The following LEMD1 variants were observed in gnomAD, a reference collection of about 807,000 sequenced individuals.
The protein encoded by LEMD1 is LEM domain-containing protein 1.
A neutral mutation model predicts 17.4 loss-of-function variants in LEMD1; 18 were observed. That is an observed-to-expected ratio of 1.04 (90% CI 0.72 to 1.54). The LOEUF is 1.54. LEMD1 is among the 40% of genes most tolerant of loss of function. LEMD1 has a pLI of 0.00. For missense variants in LEMD1, 195 were observed against 210.4 expected (o/e 0.93, Z 0.45); for synonymous variants, 88 against 77.8 (o/e 1.13, Z -0.69).
At chr1:205,437,788 C>T (rs1346764128) in intron 1 of LEMD1, 1 of 152,190 alleles carries the variant, frequency 6.6e-6, no homozygotes, top group Non-Finnish European at 1.5e-5. Context: ...AGAAATAAGA[C>T]ATGACTAGTC....
chr1:205,383,233 G>A (rs1030977536), intron 5 of LEMD1, among the ~76,000 whole-genome samples: 1 of 152,084 alleles, frequency 6.6e-6, no homozygotes, highest in Non-Finnish European at 1.5e-5. Context: ...AACTGGGACT[G>A]TAGGCACATA....
In LEMD1 at chr1:205,431,245, G is replaced by A. The variant is rs1013615216; in HGVS notation, c.-38-10671C>T. ...CAGTTTTCAGTTCAATTTGACCTGT[G>A]CATATTGACTGAATGTCTACTTCGT... On this transcript the variant is annotated intron_variant, in intron 1 of 3. Coordinates refer to the LEMD1 transcript ENST00000367154. 8.5e-5 allele frequency among the ~76,000 whole-genome samples: 13 copies of A among 152,212 alleles called. No individual in the cohort carries two copies. In the East Asian group the frequency reaches 2.5e-3, roughly 29 times the overall value.
rs184086996 is a variant in LEMD1 at position 205,434,299 on chromosome 1, G to A, written c.-38-13725C>T. The stretch of plus-strand genomic sequence containing the variant: ...GGATCCTCCCACCTCAGCCTCCCAA[G>A]TAGCTGGGACTACAGGTGAATGCTA... On this transcript the variant is annotated intron_variant, in intron 1 of 3. Transcript: ENST00000367154. 5.7e-4 allele frequency among the ~76,000 whole-genome samples: 85 copies of A among 149,238 alleles called. 1 individual carries two copies. Among genetic ancestry groups the A allele is most frequent in the African/African-American group, 2.1e-3 (85 of 40,654 alleles).
intron 4 of LEMD1, among the ~76,000 whole-genome samples, chr1:205,399,344 G>T (rs1332953725): frequency 6.6e-6 from 1 of 152,160 alleles, no homozygotes; most frequent in Non-Finnish European, 1.5e-5. Context: ...AAAGAACATT[G>T]GGTTGTTAGA....
chr1:205,435,555 T>C (rs902052174), intron 1 of LEMD1: 2 of 152,210 alleles, frequency 1.3e-5, no homozygotes, highest in Admixed American at 1.3e-4. Flanking sequence ...GAAAGGGAAG[T>C]ACTGGTTTCA....
chr1:205,420,910 A>G (rs979160041), intron 1 of LEMD1, among the ~76,000 whole-genome samples: 4 of 151,976 alleles, frequency 2.6e-5, no homozygotes, highest in Admixed American at 2.6e-4. Context: ...TCAAGCTCTG[A>G]GAAGATAAGA....
intron 1 of LEMD1, chr1:205,437,958 T>C (rs1287693880): frequency 2.0e-5 from 3 of 152,144 alleles, no homozygotes; most frequent in African/African-American, 7.2e-5. Flanking sequence ...TCCCTATATA[T>C]TTCTATGAAC....
At chr1:205,407,315 G>C (rs1574973518) in intron 4 of LEMD1, among the ~76,000 whole-genome samples, 1 of 106,546 alleles carries the variant, frequency 9.4e-6, no homozygotes, top group South Asian at 3.0e-4. Context: ...GGGCAACACA[G>C]AAAGACCCCA....
intron 4 of LEMD1, among the ~76,000 whole-genome samples, chr1:205,393,733 T>G (rs1387024146): frequency 6.6e-6 from 1 of 151,418 alleles, no homozygotes; most frequent in Non-Finnish European, 1.5e-5. Flanking sequence ...ACTGCAAACC[T>G]CATACATTGT....
intron 4 of LEMD1, among the ~76,000 whole-genome samples, chr1:205,413,203 T>A (rs1342721586): frequency 6.6e-6 from 1 of 152,224 alleles, no homozygotes; most frequent in Non-Finnish European, 1.5e-5. Flanking sequence ...GTAGATTTGG[T>A]GAGGTGAGCT....
chr1:205,418,611 G>A (rs1648928591), intron 3 of LEMD1, among the ~76,000 whole-genome samples: 1 of 152,172 alleles, frequency 6.6e-6, no homozygotes, highest in Non-Finnish European at 1.5e-5. Flanking sequence ...CGCCTCCCTG[G>A]TTCAGGCGAT....
chr1:205,446,487 A>C (rs884554), intron 1 of LEMD1, among the ~76,000 whole-genome samples: 200 of 152,338 alleles, frequency 1.3e-3, no homozygotes, highest in Admixed American at 4.7e-3. Context: ...TAATCTCTGG[A>C]ATGGCTCATC....
At chr1:205,422,724 G>C (rs772650907), upstream of LEMD1, among the ~76,000 whole-genome samples, 8 of 152,172 alleles carry the variant, frequency 5.3e-5, no homozygotes, top group Non-Finnish European at 1.0e-4. Flanking sequence ...TTAAAGACGT[G>C]TGCAAGACAA....
chr1:205,446,282 T>TCCAGGC (rs1045685347), intron 1 of LEMD1, among the ~76,000 whole-genome samples: 16 of 152,118 alleles, frequency 1.1e-4, no homozygotes, highest in East Asian at 7.7e-4. Flanking sequence ...CCAGAAGCAA[T>TCCAGGC]CCAGGCCCAG....
At chr1:205,432,523 G>T (rs1033709233) in intron 1 of LEMD1, among the ~76,000 whole-genome samples, 4 of 152,244 alleles carry the variant, frequency 2.6e-5, no homozygotes, top group African/African-American at 9.6e-5. Flanking sequence ...TCAAAGAGAG[G>T]AAGCACTCAT....
intron 4 of LEMD1, among the ~76,000 whole-genome samples, chr1:205,413,587 CTTTTTTTTTTTTTT>C (rs781477988): frequency 1.4e-5 from 1 of 72,478 alleles, no homozygotes; most frequent in Admixed American, 1.5e-4. Flanking sequence ...CCATGCCCAA[CTTTTTTTTTTTTTT>C]TTTTTTTTTT....
chr1:205,445,188 C>G (rs1666363172), intron 1 of LEMD1, among the ~76,000 whole-genome samples: 1 of 152,088 alleles, frequency 6.6e-6, no homozygotes, highest in Non-Finnish European at 1.5e-5. Flanking sequence ...CCCACCTCCT[C>G]CCTCTCCCTC....
chr1:205,420,739 G>C (rs1418902740), intron 1 of LEMD1, among the ~76,000 whole-genome samples, 165 bp from the exon 2 acceptor site: 4 of 152,154 alleles, frequency 2.6e-5, no homozygotes, highest in African/African-American at 9.7e-5. Flanking sequence ...ATCCCTGCTG[G>C]GATTAGTTGC....
chr1:205,423,340 G>C (rs990077724), upstream of LEMD1, among the ~76,000 whole-genome samples: 1 of 152,188 alleles, frequency 6.6e-6, no homozygotes, highest in African/African-American at 2.4e-5. Context: ...TGACACATTT[G>C]TTTCCATCAA....
Sources: gnomAD v4.1 joint callset for allele counts (sites outside exome capture counted in the v4.1 genomes callset) on GRCh38, gnomAD v4.1.1 for gene constraint, MANE v1.5 for transcripts, NCBI Gene and HGNC (gene_info 2026-07-23, HGNC 2026-07-21) for gene names.